The following ADD3 variants were observed in gnomAD, a reference collection of about 807,000 sequenced individuals.
ADD3 encodes the protein gamma-adducin.
A neutral mutation model predicts 80.2 loss-of-function variants in ADD3; 25 were observed. The observed-to-expected ratio is 0.31, with a 90% confidence interval of 0.23 to 0.44. ADD3 has a LOEUF of 0.44. Among genes scored for constraint, ADD3 ranks in the 20% least tolerant of loss-of-function variants. The pLI is 1.00. For synonymous variants in ADD3, 284 were observed against 289.6 expected, an observed-to-expected ratio of 0.98 and a Z score of 0.20; for missense variants, 829 against 847.5, an observed-to-expected ratio of 0.98 and a Z score of 0.27.
intron 13 of ADD3, 109 bp downstream of exon 13, chr10:110,130,595 C>G: frequency 8.1e-7 from 1 of 1,234,428 alleles, no homozygotes; most frequent in Non-Finnish European, 1.1e-6. Context: ...ATGGCTCACA[C>G]CTGTAATCCC....
At chr10:110,040,422 T>A (rs1021758464) in intron 1 of ADD3, among the ~76,000 whole-genome samples, 1 of 152,224 alleles carries the variant, frequency 6.6e-6, no homozygotes, top group African/African-American at 2.4e-5. Flanking sequence ...AAATTTAGTT[T>A]GGCCAATTAA....
At chr10:110,062,453 GTA>G (rs1859046482) in intron 1 of ADD3, among the ~76,000 whole-genome samples, 1 of 151,422 alleles carries the variant, frequency 6.6e-6, no homozygotes, top group African/African-American at 2.4e-5. Context: ...GTGAGGGTGT[GTA>G]CCTGTGGTCC....
intron 14 of ADD3, 42 bp downstream of exon 14, chr10:110,132,442 C>A: frequency 2.3e-6 from 3 of 1,327,516 alleles, no homozygotes; most frequent in Non-Finnish European, 3.3e-6. Flanking sequence ...CTGAGTTAGT[C>A]TTGAGTCTGT....
intron 11 of ADD3, 103 bp downstream of exon 11, chr10:110,126,048 C>G: frequency 8.3e-7 from 1 of 1,210,148 alleles, no homozygotes; most frequent in Non-Finnish European, 1.1e-6. Context: ...AGTTTGAATA[C>G]AGAAGAATTT....
intron 1 of ADD3, among the ~76,000 whole-genome samples, chr10:110,000,788 C>T (rs543075252): frequency 6.6e-6 from 1 of 152,132 alleles, no homozygotes; most frequent in Non-Finnish European, 1.5e-5. Context: ...AGGCTCAGTT[C>T]CTTAATCTGT....
At chr10:110,024,781 G>T (rs1854084156) in intron 1 of ADD3, among the ~76,000 whole-genome samples, 1 of 152,038 alleles carries the variant, frequency 6.6e-6, no homozygotes, top group African/African-American at 2.4e-5. Context: ...CTTACTATTT[G>T]AATCAAATTT....
At chr10:110,083,306 A>C (rs1209272170) in intron 1 of ADD3, among the ~76,000 whole-genome samples, 1 of 152,066 alleles carries the variant, frequency 6.6e-6, no homozygotes, top group African/African-American at 2.4e-5. Context: ...CAAATGTATG[A>C]GATATGGTGA....
intron 1 of ADD3, among the ~76,000 whole-genome samples, chr10:110,080,980 T>A (rs960258258): frequency 1.3e-5 from 2 of 152,154 alleles, no homozygotes; most frequent in African/African-American, 4.8e-5. Flanking sequence ...TGTTTCACAG[T>A]TTTAGTTTCA....
Position 110,132,341 on chromosome 10 carries a change from C to G in ADD3, c.1769C>G (p.Ser590Cys). The G allele has an allele frequency of 6.2e-7, 1 of 1,613,926 alleles. No individual in the cohort carries two copies. ...GAATTACTCTCAGATGACGCTTCAT[C>G]TGTTTCACAAATTCAGTCTCAAACT... ...EQELLSDDAS[S>C]VSQIQSQTQS... Residue 590 changes from serine (S) to cysteine (C), a missense_variant, in exon 14 of 15, where the codon TCT becomes TGT. Transcript: ENST00000356080.
At chr10:110,052,328 C>T (rs1437336999) in intron 1 of ADD3, among the ~76,000 whole-genome samples, 2 of 152,178 alleles carry the variant, frequency 1.3e-5, no homozygotes, top group South Asian at 4.1e-4. Flanking sequence ...GGTTCCCATT[C>T]CCTGGGCCCC....
chr10:110,019,908 C>T (rs1271063016), intron 1 of ADD3, among the ~76,000 whole-genome samples: 1 of 152,178 alleles, frequency 6.6e-6, no homozygotes, highest in Non-Finnish European at 1.5e-5. Flanking sequence ...ATCATTACCC[C>T]AGGAGCTTGT....
At chr10:110,107,473 G>A (rs1463825449) in intron 2 of ADD3, among the ~76,000 whole-genome samples, 1 of 152,042 alleles carries the variant, frequency 6.6e-6, no homozygotes, top group Admixed American at 6.5e-5. Context: ...GGTAGTAATG[G>A]CAGATAAAGC....
At chr10:110,072,028 G>A (rs183942913) in intron 1 of ADD3, among the ~76,000 whole-genome samples, 1 of 152,042 alleles carries the variant, frequency 6.6e-6, no homozygotes, top group Non-Finnish European at 1.5e-5. Context: ...TATTAAATAG[G>A]CAAGGGACAT....
chr10:110,028,166 G>A (rs188036367), intron 1 of ADD3, among the ~76,000 whole-genome samples: 47 of 152,324 alleles, frequency 3.1e-4, no homozygotes, highest in Admixed American at 7.2e-4. Context: ...TAGGTGCTTA[G>A]TAAATATGTA....
At chr10:110,028,616 T>TG (rs1171419392) in intron 1 of ADD3, among the ~76,000 whole-genome samples, 20 of 152,126 alleles carry the variant, frequency 1.3e-4, no homozygotes, top group Non-Finnish European at 2.4e-4. Flanking sequence ...TGGGACTTAG[T>TG]GTTTGACCTG....
At chr10:110,023,945 T>G (rs1853983102) in intron 1 of ADD3, among the ~76,000 whole-genome samples, 1 of 152,126 alleles carries the variant, frequency 6.6e-6, no homozygotes, top group African/African-American at 2.4e-5. Flanking sequence ...ATGTTCTCAC[T>G]TAAAGTGGGA....
chr10:110,089,438 CTG>C (rs1235810533), intron 1 of ADD3, among the ~76,000 whole-genome samples: 1 of 152,104 alleles, frequency 6.6e-6, no homozygotes, highest in Non-Finnish European at 1.5e-5. Flanking sequence ...CCACTAGTCT[CTG>C]TCAGCTTTCT....
At chr10:110,091,704 G>A (rs907335844) in intron 1 of ADD3, among the ~76,000 whole-genome samples, 7 of 151,974 alleles carry the variant, frequency 4.6e-5, no homozygotes, top group South Asian at 2.1e-4. Context: ...TGGATTTCAC[G>A]ATGAAGTCTC....
chr10:110,126,513 TGAA>T lies in ADD3; in HGVS notation c.1608+12_1608+14del. On this transcript the variant is annotated intron_variant, in intron 12 of 14. Transcript: ENST00000356080. The stretch of plus-strand genomic sequence containing the variant: ...GGATAAGCCACCTTCTGTAAGTTTA[TGAA>T]GTAGTATGATCTTTGTTTTTTATTT... 1 of 1,579,218 alleles carries T rather than the reference TGAA, an allele frequency of 6.3e-7. No homozygotes were observed. The highest frequency in any genetic ancestry group is 1.1e-5 in the South Asian group (1 of 89,746).
Sources: gnomAD v4.1 joint callset for allele counts (sites outside exome capture counted in the v4.1 genomes callset) on GRCh38, gnomAD v4.1.1 for gene constraint, MANE v1.5 for transcripts, NCBI Gene and HGNC (gene_info 2026-07-23, HGNC 2026-07-21) for gene names.